Variants in FBXL18 observed in about 807,000 individuals in gnomAD.
The protein encoded by FBXL18 is F-box and leucine rich repeat protein 18, also known as F-box/LRR-repeat protein 18.
In FBXL18, 36 loss-of-function variants were observed where a neutral mutation model predicts 46.0. That is an observed-to-expected ratio of 0.78 (90% CI 0.60 to 1.03). The LOEUF (loss-of-function observed/expected upper bound fraction) is 1.03, where lower values mean the gene tolerates loss of function less well. Ranked by LOEUF, FBXL18 falls within the 50% of genes least tolerant of loss-of-function variation. FBXL18 has a pLI of 0.00. For synonymous variants in FBXL18, 557 were observed against 465.3 expected (o/e 1.20, Z -2.54); for missense variants, 977 against 1,004.1 (o/e 0.97, Z 0.36).
At chr7:5,484,279 A>G (rs1584205423) in intron 4 of FBXL18, among the ~76,000 whole-genome samples, 1 of 152,100 alleles carries the variant, frequency 6.6e-6, no homozygotes, top group Admixed American at 6.6e-5. Context: ...CATCCTGGCT[A>G]ACACGGTGAA....
rs539442192 is a variant in FBXL18, at chr7:5,484,534, A to C, written c.2001-2603T>G. ...AGGTGATTTTTCTTTTTTTTTCGAG[A>C]CAGGGTCTTGCTCTATCTCCCAGAC... On this transcript the variant is annotated intron_variant, in intron 4 of 4. Transcript: ENST00000382368. 2.9e-4 allele frequency among the ~76,000 whole-genome samples: 44 copies of C among 150,318 alleles called. 1 individual carries two copies. Among genetic ancestry groups the C allele is most frequent in the African/African-American group, 1.0e-3 (41 of 40,938 alleles).
chr7:5,461,370 C>T (rs1783244340), intron 4 of FBXL18, among the ~76,000 whole-genome samples: 2 of 152,144 alleles, frequency 1.3e-5, no homozygotes, highest in African/African-American at 4.8e-5. Context: ...AGTTCCAGAC[C>T]AGCCTGGGCA....
chr7:5,463,091 C>G (rs1015702187), intron 4 of FBXL18, among the ~76,000 whole-genome samples: 3 of 146,258 alleles, frequency 2.1e-5, no homozygotes, highest in Admixed American at 7.0e-5. Context: ...TCAAAAGTAT[C>G]ATGAGATACT....
At chr7:5,470,907 C>T (rs968358472), downstream of FBXL18, among the ~76,000 whole-genome samples, 9 of 152,204 alleles carry the variant, frequency 5.9e-5, no homozygotes, top group Non-Finnish European at 1.2e-4. Flanking sequence ...GCTCCAGCCA[C>T]GCAGAGGCGT....
In FBXL18 at chr7:5,481,757, G is replaced by T; in HGVS notation, c.*18C>A. The T allele has an allele frequency of 1.2e-6, 2 of 1,612,758 alleles. No individual in the cohort carries two copies. Among genetic ancestry groups the T allele is most frequent in the Non-Finnish European group, 8.5e-7 (1 of 1,179,780 alleles). Reference sequence around the variant, plus strand: ...GCTTCTCGAGGTGACTGAGACCGATGGGCGGCGGCTCCGCCTCTCACCACC... The same window carrying T: ...GCTTCTCGAGGTGACTGAGACCGATTGGCGGCGGCTCCGCCTCTCACCACC... On this transcript the variant is annotated 3_prime_UTR_variant, in exon 5 of 5. Coordinates refer to ENST00000382368, the MANE Select transcript of FBXL18 (RefSeq NM_024963.6).
At chr7:5,468,068 T>C (rs1052886681) in intron 4 of FBXL18, among the ~76,000 whole-genome samples, 6 of 151,466 alleles carry the variant, frequency 4.0e-5, no homozygotes, top group East Asian at 1.9e-4. Flanking sequence ...CTGCAAGCTC[T>C]GCCTCCCGGG....
chr7:5,500,994 G>T lies in FBXL18; in HGVS notation c.1275C>A (p.Val425=). 3 of 1,579,506 alleles carry T rather than the reference G, an allele frequency of 1.9e-6. No individual in the cohort carries two copies. Among genetic ancestry groups the T allele is most frequent in the Non-Finnish European group, 2.6e-6 (3 of 1,166,656 alleles). The change falls in exon 3 of 5, where the codon GTC becomes GTA. Residue 425 remains valine, a synonymous_variant. Transcript: ENST00000382368. Reference sequence around the variant, plus strand: ...GGTCGGCGCGCGGCGCGGAGTCAGCGACAGAGCAGACAGGCAGGGAGAGGG... The same window carrying T: ...GGTCGGCGCGCGGCGCGGAGTCAGCTACAGAGCAGACAGGCAGGGAGAGGG... ...LRSLSLPVCS[V]ADSAPRADRA... is the part of the protein sequence containing the mutation.
chr7:5,495,660 G>A (rs1362432082), intron 3 of FBXL18, among the ~76,000 whole-genome samples: 3 of 152,186 alleles, frequency 2.0e-5, no homozygotes, highest in East Asian at 1.9e-4. Flanking sequence ...GACTCCGGCC[G>A]CCCCAGGATG....
intron 4 of FBXL18, among the ~76,000 whole-genome samples, chr7:5,470,543 C>G (rs1783410491): frequency 6.6e-6 from 1 of 152,218 alleles, no homozygotes. Context: ...GCCTGGCCAG[C>G]AAGTCACCAT....
At chr7:5,463,720 A>ATATATATT (rs1440019641) in intron 4 of FBXL18, among the ~76,000 whole-genome samples, 3 of 63,288 alleles carry the variant, frequency 4.7e-5, no homozygotes, top group Non-Finnish European at 8.5e-5. Context: ...TTATTTATTT[A>ATATATATT]TTTATTTATT....
At chr7:5,468,263 A>C (rs556751516) in intron 4 of FBXL18, among the ~76,000 whole-genome samples, 1 of 150,484 alleles carries the variant, frequency 6.6e-6, no homozygotes, top group Admixed American at 6.6e-5. Context: ...GATTACAGGC[A>C]TGACCCACTG....
At chr7:5,483,037 CAAA>C (rs1160643136) in intron 4 of FBXL18, among the ~76,000 whole-genome samples, 1 of 125,816 alleles carries the variant, frequency 7.9e-6, no homozygotes. Flanking sequence ...GACCCTGTCT[CAAA>C]AAAAAAAAAG....
At position 5,491,298 on chromosome 7, in the gene FBXL18, T is replaced by C. The variant is rs1562692209; in HGVS notation, c.1933A>G (p.Met645Val). ...AFMARCLQVV[M>V]CHLFTGESLA... ...GACTCCCCGGTGAACAGGTGGCACA[T>C]GACAACCTGCAGGCAGCGAGCCATG... Residue 645 changes from methionine to valine, a missense_variant, in exon 4 of 5, where the codon ATG (methionine) becomes GTG (valine). Physicochemically the swap from Met to Val is conservative, Grantham distance 21 (BLOSUM62 1). Coordinates refer to ENST00000382368, the MANE Select transcript of FBXL18 (RefSeq NM_024963.6). 1.2e-6 allele frequency: 2 copies of C among 1,612,758 alleles called. No homozygotes were observed. Among genetic ancestry groups the C allele is most frequent in the East Asian group, 2.2e-5 (1 of 44,874 alleles).
Position 5,463,523 on chromosome 7 carries a change from G to T in FBXL18, c.2001-15680C>A, listed in dbSNP as rs556687317. 8.1e-3 allele frequency among the ~76,000 whole-genome samples: 1,223 copies of T among 151,536 alleles called. 9 individuals are homozygous for T. The highest frequency in any genetic ancestry group is 0.019 in the South Asian group (89 of 4,798). ...AGTCCCAGCTACTTGGGAGGCTGAG[G>T]CAGGAGGATTGCTTGAGCCCAGGAG... On this transcript the variant is annotated intron_variant and NMD_transcript_variant, in intron 4 of 6. Transcript: ENST00000415009.
chr7:5,458,724 G>T (rs1203545046), intron 4 of FBXL18, among the ~76,000 whole-genome samples: 6 of 152,134 alleles, frequency 3.9e-5, no homozygotes, highest in Admixed American at 3.9e-4. Flanking sequence ...AGCTGGGCGT[G>T]GTGGCACATG....
intron 4 of FBXL18, among the ~76,000 whole-genome samples, chr7:5,463,728 A>ATTTTTTTTTTTTTTTTTTTTTTTT (rs552002078): frequency 2.6e-4 from 14 of 53,032 alleles, no homozygotes; most frequent in South Asian, 7.3e-4. Flanking sequence ...TTATTTATTT[A>ATTTTTTTTTTTTTTTTTTTTTTTT]TTTTTTTTTT....
intron 3 of FBXL18, among the ~76,000 whole-genome samples, chr7:5,498,203 T>C (rs1330629066): frequency 6.6e-6 from 1 of 150,598 alleles, no homozygotes; most frequent in African/African-American, 2.4e-5. Context: ...TTCTCCTGCC[T>C]CAGCCTCCTA....
intron 4 of FBXL18, among the ~76,000 whole-genome samples, chr7:5,457,712 C>A (rs943786857): frequency 1.3e-5 from 2 of 152,230 alleles, no homozygotes; most frequent in African/African-American, 4.8e-5. Flanking sequence ...GTCTGTGGTG[C>A]CCCAAGTGGC....
rs1783559858 is a variant in FBXL18, at chr7:5,478,142, C to T, written c.*3633G>A. 2 of 152,360 alleles carry T rather than the reference C, an allele frequency of 1.3e-5. No homozygotes were observed. The highest frequency in any genetic ancestry group is 4.1e-4 in the South Asian group (2 of 4,838). The allele number at this position is 152,360 out of a possible 1,614,324, so 9.4% of individuals were successfully genotyped here. On this transcript the variant is annotated 3_prime_UTR_variant, in exon 5 of 5. Transcript: ENST00000382368. ...TGGCTGCCGTCCTGGGTCGAAGCAG[C>T]AAGTGTCTTCCCGCCCTGTGCACAG...
Sources: allele counts gnomAD v4.1 joint callset (sites outside exome capture counted in the v4.1 genomes callset), GRCh38; gene constraint gnomAD v4.1.1; transcripts MANE v1.5; gene names NCBI Gene and HGNC (gene_info 2026-07-23, HGNC 2026-07-21).